The following EXD3 variants were observed in gnomAD, a reference collection of about 807,000 sequenced individuals.
The protein encoded by EXD3 is exonuclease mut-7 homolog.
A neutral mutation model predicts 98.0 loss-of-function variants in EXD3; 92 were observed. The ratio of observed to expected loss-of-function variants is 0.94; its 90% CI spans 0.79 to 1.12. The LOEUF (loss-of-function observed/expected upper bound fraction) is 1.12, where lower values mean the gene tolerates loss of function less well. Ranked by LOEUF, EXD3 falls within the 50% of genes most tolerant of loss-of-function variation. EXD3 has a pLI of 0.00. For synonymous variants in EXD3, 569 were observed against 526.0 expected (o/e 1.08, Z -1.12); for missense variants, 1,222 against 1,191.6 (o/e 1.03, Z -0.38).
At chr9:137,311,442 G>A (rs918499498) in intron 19 of EXD3, among the ~76,000 whole-genome samples, 2 of 152,216 alleles carry the variant, frequency 1.3e-5, no homozygotes, top group African/African-American at 4.8e-5. Context: ...TGTAGGAGAG[G>A]TGGCGAGGCT....
At chr9:137,309,547 C>A in intron 20 of EXD3, 60 bp downstream of exon 20, 1 of 1,408,898 alleles carries the variant, frequency 7.1e-7, no homozygotes, top group South Asian at 1.2e-5. Flanking sequence ...CCCTGGCTAC[C>A]TCAGTAGGTC....
At chr9:137,320,818 T>C (rs1441047786) in intron 19 of EXD3, among the ~76,000 whole-genome samples, 1 of 152,170 alleles carries the variant, frequency 6.6e-6, no homozygotes, top group Non-Finnish European at 1.5e-5. Flanking sequence ...CTTCCTGTTT[T>C]CTCAAGAAAA....
rs1304395844 is a variant in EXD3 at position 137,348,051 on chromosome 9, G to C, written c.1998+20C>G. On this transcript the variant is annotated intron_variant, in intron 17 of 21. Transcript: ENST00000340951. Reference sequence around the variant, plus strand: ...CAGCTGCACCTTGGGAGGACCCCAAGACCCTCCCCGCAAACTCACCTCGGC... The same window carrying C: ...CAGCTGCACCTTGGGAGGACCCCAACACCCTCCCCGCAAACTCACCTCGGC... The C allele has an allele frequency of 6.2e-7, 1 of 1,605,716 alleles. No homozygotes were observed. The highest frequency in any genetic ancestry group is 8.5e-7 in the Non-Finnish European group (1 of 1,177,840).
intron 1 of EXD3, among the ~76,000 whole-genome samples, chr9:137,401,552 A>G (rs1039913098): frequency 6.6e-6 from 1 of 152,176 alleles, no homozygotes; most frequent in Non-Finnish European, 1.5e-5. Flanking sequence ...ATTTCCAAAC[A>G]TCTTCTGAAA....
intron 1 of EXD3, among the ~76,000 whole-genome samples, chr9:137,411,881 C>T (rs1838021274): frequency 6.6e-6 from 1 of 152,226 alleles, no homozygotes; most frequent in African/African-American, 2.4e-5. Context: ...GGCGCCAGGT[C>T]ACGCTTCCTC....
intron 17 of EXD3, among the ~76,000 whole-genome samples, chr9:137,329,329 AG>A (rs200620324): frequency 9.0e-4 from 8 of 8,932 alleles, no homozygotes; most frequent in Non-Finnish European, 1.2e-3. Context: ...ACTACACGGG[AG>A]CTACACGGGG....
At position 137,353,329 on chromosome 9, in the gene EXD3, G is replaced by T. The variant is rs1834415685; in HGVS notation, c.871-543C>A. On this transcript the variant is annotated intron_variant, in intron 10 of 21. Transcript: ENST00000340951. ...GCCCTCCTGCTCTCACCAGGCATCT[G>T]CCCCCACCCCGGGTCCCAGGAGCCC... 3.0e-6 allele frequency: 3 copies of T among 985,128 alleles called. No individual in the cohort carries two copies. In the African/African-American group the frequency reaches 5.2e-5, roughly 17 times the overall value. 61.0% of individuals were successfully genotyped at this position (985,128 alleles called of 1,614,324 possible).
chr9:137,342,701 C>A (rs953932592), intron 17 of EXD3, among the ~76,000 whole-genome samples: 3 of 152,206 alleles, frequency 2.0e-5, no homozygotes, highest in Non-Finnish European at 4.4e-5. Flanking sequence ...GGAACTGTTT[C>A]CCAGCCGAGT....
chr9:137,359,266 G>GCC (rs1834941328), intron 7 of EXD3, among the ~76,000 whole-genome samples: 1 of 84,126 alleles, frequency 1.2e-5, no homozygotes, highest in Admixed American at 1.4e-4. Flanking sequence ...ACCGTGCCCG[G>GCC]CCAAGGCCTA....
chr9:137,350,368 G>T (rs71485015), intron 14 of EXD3, among the ~76,000 whole-genome samples: 13 of 69,814 alleles, frequency 1.9e-4, no homozygotes, highest in African/African-American at 4.1e-4. Context: ...CGGGGAAGGT[G>T]CTAGATAGAG....
At chr9:137,341,740 TC>T (rs1302700015) in intron 17 of EXD3, among the ~76,000 whole-genome samples, 1 of 23,918 alleles carries the variant, frequency 4.2e-5, no homozygotes, top group African/African-American at 2.3e-4. Flanking sequence ...CCAGGAGCCG[TC>T]TCCCAGGAGT....
Position 137,403,150 on chromosome 9 carries a change from C to A in EXD3, c.-47-7746G>T, listed in dbSNP as rs1352201504. ...TCCTGCAGGATCCCCGGCGCTGACCCCTCTCCCCTCCATGGCAGTGTGGGG... is the reference window on the plus strand; with the variant it reads ...TCCTGCAGGATCCCCGGCGCTGACCACTCTCCCCTCCATGGCAGTGTGGGG... On this transcript the variant is annotated intron_variant, in intron 1 of 21. Transcript: ENST00000340951. This position sits in a 1 kb window ranked among gnomAD's most constrained non-coding sequence, Gnocchi z 6.1. Among the ~76,000 whole-genome samples, 1 of 151,930 alleles carries A rather than the reference C, an allele frequency of 6.6e-6. No homozygotes were observed. Among genetic ancestry groups the A allele is most frequent in the Non-Finnish European group, 1.5e-5 (1 of 68,002 alleles).
chr9:137,349,470 C>A lies in EXD3; in HGVS notation c.1556G>T (p.Ser519Ile). Reference sequence around the variant, plus strand: ...GCCCAGCACCTGCTGCACCAGGAGGCTCAGGCCCCTCAGCTCCCTGGCCCT... The same window carrying A: ...GCCCAGCACCTGCTGCACCAGGAGGATCAGGCCCCTCAGCTCCCTGGCCCT... ...VDRARELRGL[S>I]LLVQQVLGTA... is the part of the protein sequence containing the mutation. The change falls in exon 15 of 22, where the codon AGC (serine) becomes ATC (isoleucine). Residue 519 changes from serine (S) to isoleucine (I), a missense_variant. Ser to Ile is a moderately radical substitution (Grantham distance 142). Coordinates refer to ENST00000340951, the MANE Select transcript of EXD3 (RefSeq NM_017820.5). This position sits in a 1 kb window ranked among gnomAD's most constrained non-coding sequence, Gnocchi z 7.4. 6.2e-7 allele frequency: 1 copy of A among 1,603,618 alleles called. No homozygotes were observed. The highest frequency in any genetic ancestry group is 8.5e-7 in the Non-Finnish European group (1 of 1,178,020).
chr9:137,417,185 G>A (rs565148502), intron 1 of EXD3, among the ~76,000 whole-genome samples: 38 of 152,304 alleles, frequency 2.5e-4, no homozygotes, highest in African/African-American at 8.9e-4. Flanking sequence ...TCAGGTGGGC[G>A]GTGGGAGACA....
intron 1 of EXD3, among the ~76,000 whole-genome samples, chr9:137,404,733 G>A (rs1837636745): frequency 6.6e-6 from 1 of 152,110 alleles, no homozygotes; most frequent in Non-Finnish European, 1.5e-5. Context: ...GGTGGCACAT[G>A]CCTCTAATCT....
chr9:137,383,699 C>T (rs1273764820), intron 2 of EXD3, among the ~76,000 whole-genome samples: 2 of 152,248 alleles, frequency 1.3e-5, no homozygotes, highest in African/African-American at 2.4e-5. Flanking sequence ...GCCTGAGCCT[C>T]TACCTGCTCC....
chr9:137,373,056 T>G lies in EXD3; in HGVS notation c.311A>C (p.Lys104Thr), dbSNP rs1835716440. ...TTTGACCGCTCGGGCCTGCAGCTGC[T>G]TCAGCCTCAGGCTGTGCTGGAAGAG... ...PSLAQHSLRL[K>T]QLQARAVKVL... is the part of the protein sequence containing the mutation. The change falls in exon 5 of 22, where the codon AAG becomes ACG. Residue 104 changes from lysine to threonine, a missense_variant. Lys to Thr is a moderately conservative substitution (Grantham distance 78). Coordinates refer to ENST00000340951, the MANE Select transcript of EXD3 (RefSeq NM_017820.5). 2 of 1,587,760 alleles carry G rather than the reference T, an allele frequency of 1.3e-6. No homozygotes were observed. The highest frequency in any genetic ancestry group is 2.7e-5 in the African/African-American group (2 of 74,620).
chr9:137,420,336 A>C (rs1301969749), intron 1 of EXD3, among the ~76,000 whole-genome samples: 1 of 152,206 alleles, frequency 6.6e-6, no homozygotes, highest in East Asian at 1.9e-4. Flanking sequence ...CAATTGAGTG[A>C]CATATACTTT....
intron 10 of EXD3, chr9:137,353,401 T>G: frequency 1.0e-6 from 1 of 985,082 alleles, no homozygotes; most frequent in Non-Finnish European, 1.2e-6. Context: ...ATCTCCACGC[T>G]CCTCCTCTTG....
Sources: gnomAD v4.1 joint callset for allele counts (sites outside exome capture counted in the v4.1 genomes callset) on GRCh38, gnomAD v4.1.1 for gene constraint, Gnocchi (gnomAD v3.1) non-coding constraint, MANE v1.5 for transcripts, NCBI Gene and HGNC (gene_info 2026-07-23, HGNC 2026-07-21) for gene names.